Variants in GORASP2 observed in about 807,000 individuals in gnomAD.
The protein encoded by GORASP2 is golgi reassembly stacking protein 2, also known as Golgi reassembly-stacking protein 2.
Under a neutral mutation model 45.7 loss-of-function variants are expected in GORASP2, and 22 were observed. The ratio of observed to expected loss-of-function variants is 0.48; its 90% CI spans 0.34 to 0.69. The LOEUF (loss-of-function observed/expected upper bound fraction) is 0.69, where lower values mean the gene tolerates loss of function less well. Among genes scored for constraint, GORASP2 ranks in the 30% least tolerant of loss-of-function variants. The pLI, the probability that GORASP2 is intolerant of heterozygous loss-of-function variation, is 0.01. For synonymous variants in GORASP2, 221 were observed against 215.6 expected, an observed-to-expected ratio of 1.02 and a Z score of -0.22; for missense variants, 491 against 562.7, an observed-to-expected ratio of 0.87 and a Z score of 1.29.
chr2:170,962,263 G>A (rs994912288), intron 8 of GORASP2, among the ~76,000 whole-genome samples: 1 of 152,198 alleles, frequency 6.6e-6, no homozygotes, highest in Non-Finnish European at 1.5e-5. Flanking sequence ...TACTTTCATT[G>A]TGAGGGCTTT....
upstream of GORASP2, chr2:170,928,594 G>C (rs887806234): frequency 1.3e-5 from 2 of 152,266 alleles, no homozygotes; most frequent in African/African-American, 4.8e-5. Context: ...GCAGGTGGTG[G>C]AATGCCAGGG....
At chr2:170,932,949 C>G (rs1251527719) in intron 1 of GORASP2, among the ~76,000 whole-genome samples, 1 of 152,132 alleles carries the variant, frequency 6.6e-6, no homozygotes, top group Non-Finnish European at 1.5e-5. Context: ...TTCAGACACC[C>G]TGTGTGTGTG....
At chr2:170,963,977 T>C (rs1227637449) in intron 9 of GORASP2, among the ~76,000 whole-genome samples, 1 of 152,068 alleles carries the variant, frequency 6.6e-6, no homozygotes, top group Non-Finnish European at 1.5e-5. Flanking sequence ...AAAATACATA[T>C]AAAAAAACAA....
At chr2:170,945,250 T>C (rs912796960) in intron 1 of GORASP2, among the ~76,000 whole-genome samples, 2 of 152,082 alleles carry the variant, frequency 1.3e-5, no homozygotes, top group Non-Finnish European at 2.9e-5. Context: ...CACTTGAGAC[T>C]AGGAGTTCGA....
Position 170,929,469 on chromosome 2 carries a change from G to A in GORASP2, c.63+66G>A, listed in dbSNP as rs572263316. 7 of 1,155,666 alleles carry A rather than the reference G, an allele frequency of 6.1e-6. No individual in the cohort carries two copies. The African/African-American group carries it at 8.2e-5, about 14-fold the overall frequency. 71.6% of individuals were successfully genotyped at this position (1,155,666 alleles called of 1,614,324 possible). On this transcript the variant is annotated intron_variant, in intron 1 of 9. Coordinates refer to ENST00000234160, the MANE Select transcript of GORASP2 (RefSeq NM_015530.5). ...GCGGGGCCGGCCGCGGGGAGGCGGAGGCCCCCATGGGCTCCTTCACGGGGC... is the reference window on the plus strand; with the variant it reads ...GCGGGGCCGGCCGCGGGGAGGCGGAAGCCCCCATGGGCTCCTTCACGGGGC...
At chr2:170,939,228 T>C (rs1250523241) in intron 1 of GORASP2, among the ~76,000 whole-genome samples, 1 of 152,230 alleles carries the variant, frequency 6.6e-6, no homozygotes, top group Non-Finnish European at 1.5e-5. Context: ...TATTTCCTTT[T>C]AGTTGCCATT....
intron 1 of GORASP2, among the ~76,000 whole-genome samples, chr2:170,933,249 A>G (rs896046180): frequency 7.9e-5 from 12 of 152,190 alleles, no homozygotes; most frequent in African/African-American, 2.9e-4. Flanking sequence ...CTCACTATGA[A>G]TGGCACTTTT....
rs1038969069 is a variant in GORASP2 at position 170,929,293 on chromosome 2, G to T, written c.-48G>T. The T allele has an allele frequency of 1.4e-5, 18 of 1,309,130 alleles. No individual in the cohort carries two copies. The highest frequency in any genetic ancestry group is 1.5e-5 in the African/African-American group (1 of 64,546). 81.1% of individuals were successfully genotyped at this position (1,309,130 alleles called of 1,614,324 possible). A position where few individuals can be genotyped will look rare whatever the true frequency, so the allele number is the denominator to read the frequency against. On this transcript the variant is annotated 5_prime_UTR_variant, in exon 1 of 10. Transcript: ENST00000234160. ...GATTAGAGCAGGCGGTGCGCTGGGGGCGGGAGCAGCGCGGAGCCCGGCTCG... is the reference window on the plus strand; with the variant it reads ...GATTAGAGCAGGCGGTGCGCTGGGGTCGGGAGCAGCGCGGAGCCCGGCTCG...
Position 170,956,451 on chromosome 2 carries a change from GTT to G in GORASP2, c.716_717del (p.Val239GlufsTer14). 1.2e-6 allele frequency: 2 copies of G among 1,612,124 alleles called. No individual in the cohort carries two copies. Among genetic ancestry groups the G allele is most frequent in the Non-Finnish European group, 1.7e-6 (2 of 1,179,344 alleles). On this transcript the variant is annotated frameshift_variant, in exon 7 of 10. Coordinates refer to ENST00000234160, the MANE Select transcript of GORASP2 (RefSeq NM_015530.5). LOFTEE classifies it high-confidence loss of function. ...DGFTEVQLSS[V>X]NPPSLSPPGT... ...TTTTTGGAAGGTCCAGCTGTCCTCA[GTT>G]AATCCCCCGTCTTTGTCACCACCAG... is the stretch of plus-strand genomic sequence containing the variant.
At chr2:170,964,846 T>G (rs1193179486) in intron 9 of GORASP2, among the ~76,000 whole-genome samples, 1 of 151,662 alleles carries the variant, frequency 6.6e-6, no homozygotes, top group African/African-American at 2.4e-5. Flanking sequence ...ACCCTGCCTT[T>G]CCTTTGTTTC....
Position 170,943,877 on chromosome 2 carries a change from T to G in GORASP2, c.64-4473T>G, listed in dbSNP as rs560302856. ...TTTTTGTAGAGATGGAGTCTCACTT[T>G]GTTGCCCAAGCTGGTCTTGAACTCC... is the stretch of plus-strand genomic sequence containing the variant. On this transcript the variant is annotated intron_variant, in intron 1 of 9. Transcript: ENST00000234160. Among the ~76,000 whole-genome samples, 151 of 152,260 alleles carry G rather than the reference T, an allele frequency of 9.9e-4. 1 individual carries two copies. Among genetic ancestry groups the G allele is most frequent in the African/African-American group, 3.4e-3 (143 of 41,558 alleles).
rs745887092 is a variant in GORASP2 at position 170,929,376 on chromosome 2, G to C, written c.36G>C (p.Gly12=). The C allele has an allele frequency of 2.8e-6, 4 of 1,416,372 alleles. No homozygotes were observed. The highest frequency in any genetic ancestry group is 3.7e-6 in the Non-Finnish European group (4 of 1,082,848). 87.7% of individuals were successfully genotyped at this position (1,416,372 alleles called of 1,614,324 possible). The change falls in exon 1 of 10, where the codon GGG becomes GGC. Residue 12 remains glycine, a synonymous_variant. Coordinates refer to ENST00000234160, the MANE Select transcript of GORASP2 (RefSeq NM_015530.5). ...GSSQSVEIPG[G]GTEGYHVLRV... ...CGCAAAGCGTCGAGATCCCGGGCGG[G>C]GGCACCGAGGGCTACCACGTTCTGC...
At chr2:170,930,276 T>G (rs1458175993) in intron 1 of GORASP2, among the ~76,000 whole-genome samples, 6 of 152,234 alleles carry the variant, frequency 3.9e-5, no homozygotes, top group African/African-American at 1.4e-4. Context: ...GGTCTTTTCC[T>G]CATGGAACCG....
rs903207828 is a variant in GORASP2, at chr2:170,954,837, C to T, written c.699+55C>T. 6.5e-5 allele frequency: 93 copies of T among 1,436,380 alleles called. No homozygotes were observed. The East Asian group carries it at 1.1e-3, about 17-fold the overall frequency. The allele number at this position is 1,436,380 out of a possible 1,614,324, so 89.0% of individuals were successfully genotyped here. The stretch of plus-strand genomic sequence containing the variant: ...ATAAAGTTTTTACCAAAACGAGTCA[C>T]GTGTTTCAGTGCTACTATATGGCAG... On this transcript the variant is annotated intron_variant, in intron 6 of 9. Coordinates refer to ENST00000234160, the MANE Select transcript of GORASP2 (RefSeq NM_015530.5).
At chr2:170,953,420 C>T (rs1446010091) in intron 5 of GORASP2, among the ~76,000 whole-genome samples, 2 of 152,094 alleles carry the variant, frequency 1.3e-5, no homozygotes, top group Non-Finnish European at 2.9e-5. Flanking sequence ...TGCCTGCTCA[C>T]CCAGCTTTTG....
At chr2:170,947,504 GA>G (rs1468472999) in intron 1 of GORASP2, among the ~76,000 whole-genome samples, 2 of 152,020 alleles carry the variant, frequency 1.3e-5, no homozygotes, top group Non-Finnish European at 2.9e-5. Context: ...CTTTCCCTTA[GA>G]ACCTTATACC....
At position 170,951,351 on chromosome 2, in the gene GORASP2, C is replaced by T. The variant is rs1704294517; in HGVS notation, c.459C>T (p.Ile153=). 8 of 1,608,802 alleles carry T rather than the reference C, an allele frequency of 5.0e-6. No individual in the cohort carries two copies. In the East Asian group the frequency reaches 1.6e-4, roughly 32 times the overall value. Residue 153 remains isoleucine (I), a synonymous_variant, in exon 5 of 10, where the codon ATC becomes ATT. Coordinates refer to ENST00000234160, the MANE Select transcript of GORASP2 (RefSeq NM_015530.5). ...MNESEDLFSL[I]ETHEAKPLKL... is the part of the protein sequence containing the mutation. ...AGTCTGAAGATCTATTCAGCCTTAT[C>T]GAAACACATGAAGCAAAACCATTGA...
At chr2:170,963,408 GA>G (rs1216149638) in intron 9 of GORASP2, among the ~76,000 whole-genome samples, 3 of 141,228 alleles carry the variant, frequency 2.1e-5, no homozygotes, top group South Asian at 4.7e-4. Context: ...GAGGAAAGAA[GA>G]ATGTCTCTCA....
intron 6 of GORASP2, among the ~76,000 whole-genome samples, chr2:170,955,728 C>A (rs1704410125): frequency 6.6e-6 from 1 of 152,172 alleles, no homozygotes; most frequent in Non-Finnish European, 1.5e-5. Context: ...ATCCACTGGC[C>A]CTAATCAGGG....
Sources: allele counts gnomAD v4.1 joint callset (sites outside exome capture counted in the v4.1 genomes callset), GRCh38; gene constraint gnomAD v4.1.1; transcripts MANE v1.5; gene names NCBI Gene and HGNC (gene_info 2026-07-23, HGNC 2026-07-21).